The following TPTE variants were observed in gnomAD, a reference collection of about 807,000 sequenced individuals.
The protein encoded by TPTE is transmembrane phosphatase with tensin homology, also known as putative tyrosine-protein phosphatase TPTE.
In TPTE, 59 loss-of-function variants were observed where a neutral mutation model predicts 84.1. The ratio of observed to expected loss-of-function variants is 0.70; its 90% CI spans 0.57 to 0.87. The LOEUF (loss-of-function observed/expected upper bound fraction) is 0.87. Ranked by LOEUF, TPTE falls within the 40% of genes least tolerant of loss-of-function variation. The pLI is 0.00. For missense variants in TPTE, 382 were observed against 659.6 expected, an observed-to-expected ratio of 0.58 and a Z score of 4.61; for synonymous variants, 130 against 223.5, an observed-to-expected ratio of 0.58 and a Z score of 3.73.
chr21:10,558,522 A>G (rs2074728821), intron 8 of TPTE, among the ~76,000 whole-genome samples: 1 of 152,418 alleles, frequency 6.6e-6, no homozygotes, highest in South Asian at 2.1e-4. Flanking sequence ...TTTTCTTCAT[A>G]TGTTTGTTGG....
chr21:10,559,811 T>C (rs2074757876), intron 9 of TPTE, among the ~76,000 whole-genome samples: 1 of 151,398 alleles, frequency 6.6e-6, no homozygotes, highest in Non-Finnish European at 1.5e-5. Context: ...GAGGCATAGA[T>C]TGCAGTGAGC....
chr21:10,569,840 A>G (rs2075007333), intron 13 of TPTE, 94 bp downstream of exon 13: 3 of 1,611,494 alleles, frequency 1.9e-6, no homozygotes, highest in South Asian at 2.2e-5. Flanking sequence ...ATTCATTCAA[A>G]ATATTCTTTA....
chr21:10,581,256 T>A (rs1423239542), intron 17 of TPTE, among the ~76,000 whole-genome samples: 34 of 152,302 alleles, frequency 2.2e-4, no homozygotes, highest in African/African-American at 8.0e-4. Flanking sequence ...AAATTGCCAG[T>A]TTTTAACCAT....
intron 9 of TPTE, among the ~76,000 whole-genome samples, chr21:10,560,413 G>C (rs2074774102): frequency 6.6e-6 from 1 of 152,306 alleles, no homozygotes; most frequent in Non-Finnish European, 1.5e-5. Flanking sequence ...TTATAGACTA[G>C]GCAAATAGTC....
chr21:10,538,165 A>G (rs2074301553), intron 3 of TPTE, among the ~76,000 whole-genome samples: 1 of 152,312 alleles, frequency 6.6e-6, no homozygotes. Context: ...AAAAGCTAAC[A>G]ACCCTAGAAA....
chr21:10,581,181 G>A (rs1490761313), intron 17 of TPTE, among the ~76,000 whole-genome samples: 2 of 152,296 alleles, frequency 1.3e-5, no homozygotes, highest in African/African-American at 4.8e-5. Context: ...CTACAGGTTG[G>A]AATATTGTAT....
chr21:10,548,135 G>GTATCTC (rs2074504534), intron 7 of TPTE, among the ~76,000 whole-genome samples: 1 of 152,294 alleles, frequency 6.6e-6, no homozygotes, highest in African/African-American at 2.4e-5. Flanking sequence ...CCTTGCACCT[G>GTATCTC]TATCTCAGAC....
At chr21:10,530,162 A>G (rs2074152090) in intron 3 of TPTE, among the ~76,000 whole-genome samples, 1 of 152,308 alleles carries the variant, frequency 6.6e-6, no homozygotes, top group African/African-American at 2.4e-5. Context: ...TCACTTTTTG[A>G]GCATTTCCCC....
At chr21:10,568,371 G>A (rs11184128) in intron 11 of TPTE, among the ~76,000 whole-genome samples, 1,829 of 149,360 alleles carry the variant, frequency 0.012, no homozygotes, top group Non-Finnish European at 0.014. Context: ...CAACACAATA[G>A]TAGAGTTTTG....
chr21:10,582,393 T>G (rs1303679282), intron 17 of TPTE, among the ~76,000 whole-genome samples: 1 of 152,310 alleles, frequency 6.6e-6, no homozygotes, highest in Non-Finnish European at 1.5e-5. Flanking sequence ...AGCTTTATAA[T>G]GTGGTTTGAT....
At chr21:10,543,435 T>C (rs995872144) in intron 7 of TPTE, 53 bp downstream of exon 7, 2 of 1,613,278 alleles carry the variant, frequency 1.2e-6, no homozygotes, top group East Asian at 4.5e-5. Context: ...CATAGAGCTA[T>C]ACACACACCA....
intron 10 of TPTE, among the ~76,000 whole-genome samples, chr21:10,561,532 A>C (rs1386345318): frequency 6.6e-6 from 1 of 151,212 alleles, no homozygotes; most frequent in Non-Finnish European, 1.5e-5. Context: ...AATTAACGGG[A>C]GCATTCACTA....
At chr21:10,562,114 C>T (rs934968631) in intron 10 of TPTE, among the ~76,000 whole-genome samples, 1 of 152,310 alleles carries the variant, frequency 6.6e-6, no homozygotes, top group Non-Finnish European at 1.5e-5. Context: ...AGAGAATTAT[C>T]CTGGATCTTG....
At chr21:10,542,360 C>T (rs1273275917) in intron 5 of TPTE, 35 bp from the exon 6 acceptor site, 2 of 1,607,094 alleles carry the variant, frequency 1.2e-6, no homozygotes, top group Non-Finnish European at 1.7e-6. Flanking sequence ...AGAATTATGT[C>T]TCCTCTCTGA....
intron 22 of TPTE, among the ~76,000 whole-genome samples, chr21:10,603,242 A>G (rs868155365): frequency 6.6e-6 from 1 of 152,430 alleles, no homozygotes; most frequent in South Asian, 2.1e-4. Flanking sequence ...TTGGGTATAT[A>G]TAGACATAGG....
chr21:10,532,756 A>G (rs952791996), intron 3 of TPTE, among the ~76,000 whole-genome samples: 1 of 152,304 alleles, frequency 6.6e-6, no homozygotes, highest in African/African-American at 2.4e-5. Flanking sequence ...GCATTCAGTA[A>G]TGTGTAATTT....
At chr21:10,582,141 G>A (rs1205511387) in intron 17 of TPTE, among the ~76,000 whole-genome samples, 1 of 152,426 alleles carries the variant, frequency 6.6e-6, no homozygotes, top group Non-Finnish European at 1.5e-5. Flanking sequence ...TACTGATGTA[G>A]TAAAGATATT....
chr21:10,578,109 C>T, intron 15 of TPTE, among the ~76,000 whole-genome samples: 1 of 152,428 alleles, frequency 6.6e-6, no homozygotes, highest in African/African-American at 2.4e-5. Flanking sequence ...AAAAATTATA[C>T]CTATTAAACA....
chr21:10,561,809 T>C (rs1443323131), intron 10 of TPTE, among the ~76,000 whole-genome samples: 1 of 152,310 alleles, frequency 6.6e-6, no homozygotes, highest in East Asian at 1.9e-4. Context: ...CTAGGAGAAC[T>C]TGCCATCCTG....
Sources: allele counts gnomAD v4.1 joint callset (sites outside exome capture counted in the v4.1 genomes callset), GRCh38; gene constraint gnomAD v4.1.1; transcripts MANE v1.5; gene names NCBI Gene and HGNC (gene_info 2026-07-23, HGNC 2026-07-21).